Variants in PCDHGA4 observed in about 807,000 individuals in gnomAD.
The protein encoded by PCDHGA4 is protocadherin gamma-A4.
A neutral mutation model predicts 54.6 loss-of-function variants in PCDHGA4; 38 were observed. That is an observed-to-expected ratio of 0.70 (90% CI 0.54 to 0.91). The LOEUF (loss-of-function observed/expected upper bound fraction) is 0.91, where lower values mean the gene tolerates loss of function less well. Among genes scored for constraint, PCDHGA4 ranks in the 40% least tolerant of loss-of-function variants. The pLI, the probability that PCDHGA4 is intolerant of heterozygous loss-of-function variation, is 0.00. For missense variants in PCDHGA4, 1,298 were observed against 1,220.9 expected, an observed-to-expected ratio of 1.06 and a Z score of -0.94; for synonymous variants, 511 against 512.9, an observed-to-expected ratio of 1.00 and a Z score of 0.05.
chr5:141,488,548 T>C (rs112676623), intron 1 of PCDHGA4, among the ~76,000 whole-genome samples: 2 of 152,318 alleles, frequency 1.3e-5, no homozygotes, highest in African/African-American at 4.8e-5. Flanking sequence ...CCATGTCAGC[T>C]GACATTGAGA....
At chr5:141,413,924 A>T in intron 1 of PCDHGA4, 1 of 1,613,408 alleles carries the variant, frequency 6.2e-7, no homozygotes, top group Non-Finnish European at 8.5e-7. Context: ...ACCTTGCCAG[A>T]ATACCGAGTG....
At chr5:141,409,919 G>A in intron 1 of PCDHGA4, 1 of 1,613,346 alleles carries the variant, frequency 6.2e-7, no homozygotes, top group Non-Finnish European at 8.5e-7. Flanking sequence ...TGACGGCTCC[G>A]CGTTCTTCGA....
chr5:141,357,607 G>C lies in PCDHGA4; in HGVS notation c.2500G>C (p.Asp834His), dbSNP rs771677698. 16 of 1,613,832 alleles carry C rather than the reference G, an allele frequency of 9.9e-6. No homozygotes were observed. The Admixed American group carries it at 2.7e-4, about 27-fold the overall frequency. ...ITQDLLETKGDPNLQQAPPNT... is the reference protein window; with the variant it reads ...ITQDLLETKGHPNLQQAPPNT... ...TCAGGATTTACTTGAAACAAAAGGA[G>C]ACCCTAATCTTCAGGTGAGTCAATC... Residue 834 changes from aspartate (D) to histidine (H), a missense_variant, in exon 1 of 4, where the codon GAC becomes CAC. Coordinates refer to ENST00000571252, the MANE Select transcript of PCDHGA4 (RefSeq NM_018917.4).
At chr5:141,399,864 G>A (rs762765678) in intron 1 of PCDHGA4, 1 of 1,612,860 alleles carries the variant, frequency 6.2e-7, no homozygotes. Flanking sequence ...GCGCTGCAGA[G>A]CCCGGCTACC....
At chr5:141,407,505 T>TTTTTTTTTTTTTTTTTTTTTTGAG (rs1460306566) in intron 1 of PCDHGA4, among the ~76,000 whole-genome samples, 1 of 152,148 alleles carries the variant, frequency 6.6e-6, no homozygotes, top group African/African-American at 2.4e-5. Context: ...CTGTTTTTCT[T>TTTTTTTTTTTTTTTTTTTTTTGAG]AGGCTATGTA....
intron 1 of PCDHGA4, chr5:141,410,517 C>T: frequency 6.2e-7 from 1 of 1,613,926 alleles, no homozygotes; most frequent in Non-Finnish European, 8.5e-7. Flanking sequence ...TGCAGTGTGC[C>T]CCTACATTCC....
At chr5:141,499,625 C>A (rs1238895570) in intron 2 of PCDHGA4, among the ~76,000 whole-genome samples, 1 of 149,832 alleles carries the variant, frequency 6.7e-6, no homozygotes, top group East Asian at 2.0e-4. Flanking sequence ...TCCTTGGATT[C>A]TTTTGAAGCA....
At chr5:141,439,500 TTCTC>T (rs1399113868) in intron 1 of PCDHGA4, among the ~76,000 whole-genome samples, 9 of 152,246 alleles carry the variant, frequency 5.9e-5, no homozygotes, top group Admixed American at 2.0e-4. Context: ...AGAAACGTCT[TTCTC>T]TCTGCTCTCA....
In PCDHGA4 at chr5:141,383,574, C is replaced by T. The variant is rs1338805390; in HGVS notation, c.2514+25953C>T. The stretch of plus-strand genomic sequence containing the variant: ...GCGGCGACCCGCCCCGATCCAGCAC[C>T]GCCCACATCCAGGTGACAGTGGTGG... On this transcript the variant is annotated intron_variant, in intron 1 of 3. Transcript: ENST00000571252. The T allele has an allele frequency of 3.7e-6, 6 of 1,613,366 alleles. No homozygotes were observed. In the South Asian group the frequency reaches 5.5e-5, roughly 15 times the overall value.
chr5:141,371,119 T>A lies in PCDHGA4; in HGVS notation c.2514+13498T>A, dbSNP rs567260577. 2.4e-4 allele frequency: 393 copies of A among 1,613,958 alleles called. 4 individuals are homozygous for A. The South Asian group carries it at 3.8e-3, about 16-fold the overall frequency. ...GATGCAAATGATAACCCCCCAGTAT[T>A]TACTCAGGACATGTACAGGGTCAAT... On this transcript the variant is annotated intron_variant, in intron 1 of 3. Coordinates refer to ENST00000571252, the MANE Select transcript of PCDHGA4 (RefSeq NM_018917.4).
At position 141,486,602 on chromosome 5, in the gene PCDHGA4, C is replaced by T; in HGVS notation, c.2515-8205C>T. The stretch of plus-strand genomic sequence containing the variant: ...TCGCCCAGGGGACCTGCTTTGCTCC[C>T]TTGCAGCCTCTGACCCAGACTCTGG... On this transcript the variant is annotated intron_variant, in intron 1 of 3. Transcript: ENST00000571252. The surrounding 1 kb of genome is among the most constrained non-coding windows in gnomAD (Gnocchi z 5.0). 6.2e-7 allele frequency: 1 copy of T among 1,613,572 alleles called. No homozygotes were observed. Among genetic ancestry groups the T allele is most frequent in the Non-Finnish European group, 8.5e-7 (1 of 1,180,026 alleles).
intron 1 of PCDHGA4, chr5:141,394,755 G>A (rs2093086176): frequency 1.2e-6 from 2 of 1,613,434 alleles, no homozygotes; most frequent in Non-Finnish European, 8.5e-7. Context: ...GGCCGTCCAG[G>A]ACCATGGCCA....
Position 141,449,530 on chromosome 5 carries a change from A to G in PCDHGA4, c.2515-45277A>G, listed in dbSNP as rs2098641850. On this transcript the variant is annotated intron_variant, in intron 1 of 3. Transcript: ENST00000571252. ...CTTGAACCTGGGAGGCGGAGGTTGC[A>G]GTGAGCCGAGATCGCACCACTGCAC... Among the ~76,000 whole-genome samples, 4 of 149,684 alleles carry G rather than the reference A, an allele frequency of 2.7e-5. No individual in the cohort carries two copies. The South Asian group carries it at 8.5e-4, about 32-fold the overall frequency.
At chr5:141,370,225 C>T in intron 1 of PCDHGA4, 1 of 577,904 alleles carries the variant, frequency 1.7e-6, no homozygotes. Flanking sequence ...CCGCTGCAGC[C>T]AGCTCGGAAG....
At chr5:141,437,035 C>T (rs991186972) in intron 1 of PCDHGA4, among the ~76,000 whole-genome samples, 1 of 152,120 alleles carries the variant, frequency 6.6e-6, no homozygotes, top group Non-Finnish European at 1.5e-5. Context: ...AATGGATCAC[C>T]GAAACCAGAA....
chr5:141,418,397 T>C (rs764404369), intron 1 of PCDHGA4: 9 of 1,613,838 alleles, frequency 5.6e-6, no homozygotes, highest in South Asian at 3.3e-5. Context: ...GTATTTCTCA[T>C]TGGTGGAGAA....
At chr5:141,475,959 A>T (rs963363028) in intron 1 of PCDHGA4, 15 of 817,720 alleles carry the variant, frequency 1.8e-5, no homozygotes, top group East Asian at 2.6e-5. Context: ...GCGCCCCGGG[A>T]TGAGGCAGAG....
At chr5:141,383,694 T>C (rs369728109) in intron 1 of PCDHGA4, 13 of 1,613,890 alleles carry the variant, frequency 8.1e-6, no homozygotes, top group Middle Eastern at 1.6e-4. Context: ...TCACGGTACA[T>C]GCTATCGACC....
At chr5:141,420,237 C>A in intron 1 of PCDHGA4, 1 of 1,595,672 alleles carries the variant, frequency 6.3e-7, no homozygotes, top group Non-Finnish European at 8.6e-7. Context: ...AGCATTTTAA[C>A]TCCCAGCGTT....
Sources: gnomAD v4.1 joint callset for allele counts (sites outside exome capture counted in the v4.1 genomes callset) on GRCh38, gnomAD v4.1.1 for gene constraint, Gnocchi (gnomAD v3.1) non-coding constraint, MANE v1.5 for transcripts, NCBI Gene and HGNC (gene_info 2026-07-23, HGNC 2026-07-21) for gene names.